The following SNAI3 variants were observed in gnomAD, a reference collection of about 807,000 sequenced individuals.
SNAI3 encodes snail family transcriptional repressor 3, also known as zinc finger protein SNAI3.
A neutral mutation model predicts 16.4 loss-of-function variants in SNAI3; 21 were observed. The observed-to-expected ratio is 1.28, with a 90% confidence interval of 0.91 to 1.85. The LOEUF (loss-of-function observed/expected upper bound fraction) is 1.85. Among genes scored for constraint, SNAI3 ranks in the 40% most tolerant of loss-of-function variants. The pLI is 0.00. For synonymous variants in SNAI3, 202 were observed against 166.6 expected, an observed-to-expected ratio of 1.21 and a Z score of -1.64; for missense variants, 457 against 372.8, an observed-to-expected ratio of 1.23 and a Z score of -1.86.
In SNAI3 at chr16:88,681,331, A is replaced by C. The variant is rs761184798; in HGVS notation, c.460T>G (p.Cys154Gly). ...TGGTAGGGTTTGTGGCAGTGGAAGC[A>C]CTCAAAGCCGCCCGGGGCTCGGGGC... ...RMPRAPGGFE[C>G]FHCHKPYHTL... Residue 154 changes from cysteine (C) to glycine (G), a missense_variant, in exon 2 of 3, where the codon TGC (cysteine) becomes GGC (glycine). Coordinates refer to ENST00000332281, the MANE Select transcript of SNAI3 (RefSeq NM_178310.4). The surrounding 1 kb of genome is among the most constrained non-coding windows in gnomAD (Gnocchi z 5.4). 3 of 1,612,954 alleles carry C rather than the reference A, an allele frequency of 1.9e-6. No homozygotes were observed. The highest frequency in any genetic ancestry group is 2.5e-6 in the Non-Finnish European group (3 of 1,179,760).
At chr16:88,678,750 C>G (rs950043970) in intron 2 of SNAI3, 121 bp from the exon 3 acceptor site, 1 of 1,455,000 alleles carries the variant, frequency 6.9e-7, no homozygotes, top group Admixed American at 2.4e-5. Context: ...GCCAGAGCAC[C>G]CAAGGTTGAG....
rs77972939 is a variant in SNAI3, at chr16:88,682,100, G to T, written c.77-386C>A. On this transcript the variant is annotated intron_variant, in intron 1 of 2. Coordinates refer to ENST00000332281, the MANE Select transcript of SNAI3 (RefSeq NM_178310.4). ...ATGAGCCCCACCCACCTCTGGAGGG[G>T]TCCCAGCCTGGGCCGGCATCCTCCA... Among the ~76,000 whole-genome samples the T allele has an allele frequency of 9.2e-5, 14 of 152,268 alleles. No individual in the cohort carries two copies. In the East Asian group the frequency reaches 2.7e-3, roughly 29 times the overall value.
In SNAI3 at chr16:88,681,573, A is replaced by AGGAGGGGCAG; in HGVS notation, c.208_217dup (p.Leu73ProfsTer74). On this transcript the variant is annotated frameshift_variant, in exon 2 of 3. Coordinates refer to ENST00000332281, the MANE Select transcript of SNAI3 (RefSeq NM_178310.4). LOFTEE classifies it high-confidence loss of function. This position sits in a 1 kb window ranked among gnomAD's most constrained non-coding sequence, Gnocchi z 5.4. ...CCCCAGAGCTTCCTCGATCCGTGGC[A>AGGAGGGGCAG]GGAGGGGCAGGGAGATGCAGGCGAC... is the stretch of plus-strand genomic sequence containing the variant. The AGGAGGGGCAG allele has an allele frequency of 6.6e-7, 1 of 1,508,004 alleles. No individual in the cohort carries two copies. The highest frequency in any genetic ancestry group is 8.9e-7 in the Non-Finnish European group (1 of 1,127,152). 93.4% of individuals were successfully genotyped at this position (1,508,004 alleles called of 1,614,324 possible).
At chr16:88,686,083 A>G in intron 1 of SNAI3, 1 of 530,602 alleles carries the variant, frequency 1.9e-6, no homozygotes, top group East Asian at 3.2e-5. Flanking sequence ...TAGAAAACTT[A>G]GAAAACTTCT....
rs778411889 is a variant in SNAI3, at chr16:88,678,441, G to A, written c.*7C>T. 16 of 765,834 alleles carry A rather than the reference G, an allele frequency of 2.1e-5. No individual in the cohort carries two copies. Among genetic ancestry groups the A allele is most frequent in the Middle Eastern group, 2.3e-4 (1 of 4,412 alleles). 47.4% of individuals were successfully genotyped at this position (765,834 alleles called of 1,614,324 possible). ...CATCCCTCCTACCTGCGCCGACCAC[G>A]TGCCTCTCAGGGGCCCGGGCAGCAG... On this transcript the variant is annotated 3_prime_UTR_variant, in exon 3 of 3. Coordinates refer to ENST00000332281, the MANE Select transcript of SNAI3 (RefSeq NM_178310.4).
At position 88,678,503 on chromosome 16, in the gene SNAI3, GAGA is replaced by G. The variant is rs770585538; in HGVS notation, c.821_823del (p.Phe274del). On this transcript the variant is annotated inframe_deletion, in exon 3 of 3. Transcript: ENST00000332281. ...ATGCCGCGCCAGGAGGGACATGCGG[GAGA>G]AGGTCTTGGTGCAGCGCCGGCACCG... The G allele has an allele frequency of 1.3e-5, 10 of 784,002 alleles. No homozygotes were observed. The highest frequency in any genetic ancestry group is 5.4e-5 in the South Asian group (4 of 74,696). The allele number at this position is 784,002 out of a possible 1,614,324, so 48.6% of individuals were successfully genotyped here.
In SNAI3 at chr16:88,681,015, C is replaced by T; in HGVS notation, c.697+79G>A. 1 of 1,535,466 alleles carries T rather than the reference C, an allele frequency of 6.5e-7. No individual in the cohort carries two copies. The highest frequency in any genetic ancestry group is 1.2e-5 in the South Asian group (1 of 81,190). ...CCATGCTATTGTTTATAAAATCACCCCTCCTCCTTTTCTAACTCCCGCAGC... is the reference window on the plus strand; with the variant it reads ...CCATGCTATTGTTTATAAAATCACCTCTCCTCCTTTTCTAACTCCCGCAGC... On this transcript the variant is annotated intron_variant, in intron 2 of 2. Coordinates refer to ENST00000332281, the MANE Select transcript of SNAI3 (RefSeq NM_178310.4). This position sits in a 1 kb window ranked among gnomAD's most constrained non-coding sequence, Gnocchi z 5.4.
intron 2 of SNAI3, among the ~76,000 whole-genome samples, chr16:88,680,275 A>ATTTTTTTTTTTTT (rs560411217): frequency 2.2e-4 from 12 of 55,104 alleles, no homozygotes; most frequent in Non-Finnish European, 2.8e-4. Flanking sequence ...TATGTTTTTG[A>ATTTTTTTTTTTTT]TTTTTTTTTT....
intron 2 of SNAI3, among the ~76,000 whole-genome samples, chr16:88,680,106 G>A (rs538849420): frequency 4.4e-4 from 65 of 148,486 alleles, no homozygotes; most frequent in South Asian, 1.1e-3. Context: ...AAAAAAAAGT[G>A]TGAACCTTTG....
chr16:88,681,480 G>T lies in SNAI3; in HGVS notation c.311C>A (p.Pro104His). The change falls in exon 2 of 3, where the codon CCC (proline) becomes CAC (histidine). Residue 104 changes from proline (P) to histidine (H), a missense_variant. Coordinates refer to ENST00000332281, the MANE Select transcript of SNAI3 (RefSeq NM_178310.4). This position sits in a 1 kb window ranked among gnomAD's most constrained non-coding sequence, Gnocchi z 5.4. ...DPRASRAAIV[P>H]LKDSLNHLNL... ...GAGGTGGTTCAGGCTGTCTTTGAGG[G>T]GTACAATGGCGGCCCGGCTGGCCCG... is the stretch of plus-strand genomic sequence containing the variant. 1 of 1,570,534 alleles carries T rather than the reference G, an allele frequency of 6.4e-7. No individual in the cohort carries two copies. The highest frequency in any genetic ancestry group is 8.7e-7 in the Non-Finnish European group (1 of 1,152,298).
intron 1 of SNAI3, chr16:88,685,060 A>G (rs943942747): frequency 1.3e-5 from 2 of 152,294 alleles, no homozygotes; most frequent in Non-Finnish European, 2.9e-5. Flanking sequence ...GGCCCAGCAC[A>G]GCTACCCAGA....
chr16:88,686,177 C>T (rs780764307), intron 1 of SNAI3, 154 bp downstream of exon 1: 12 of 1,012,358 alleles, frequency 1.2e-5, no homozygotes, highest in African/African-American at 1.6e-5. Context: ...CCACCTCCCT[C>T]CCTGCAGCCG....
Position 88,686,495 on chromosome 16 carries a change from G to A in SNAI3, c.-89C>T, listed in dbSNP as rs1909372072. The A allele has an allele frequency of 5.8e-6, 9 of 1,542,394 alleles. No homozygotes were observed. The highest frequency in any genetic ancestry group is 2.8e-5 in the African/African-American group (2 of 72,578). ...TGCTGCGTCCGCCGGCGCTTGAAGG[G>A]GTCAGGCTCATTAGCATAGCGCGCC... On this transcript the variant is annotated 5_prime_UTR_variant, in exon 1 of 3. Coordinates refer to ENST00000332281, the MANE Select transcript of SNAI3 (RefSeq NM_178310.4).
At position 88,681,234 on chromosome 16, in the gene SNAI3, T is replaced by G; in HGVS notation, c.557A>C (p.Lys186Thr). 1 of 1,613,720 alleles carries G rather than the reference T, an allele frequency of 6.2e-7. No homozygotes were observed. The highest frequency in any genetic ancestry group is 8.5e-7 in the Non-Finnish European group (1 of 1,179,992). Residue 186 changes from lysine to threonine, a missense_variant, in exon 2 of 3, where the codon AAG becomes ACG. Transcript: ENST00000332281. The surrounding 1 kb of genome is among the most constrained non-coding windows in gnomAD (Gnocchi z 5.4). Reference sequence around the variant, plus strand: ...GCTGGTGTACTCCTTGTCGCAGTACTTGCAGGTGAAGACACGCCCCACCTG... The same window carrying G: ...GCTGGTGTACTCCTTGTCGCAGTACGTGCAGGTGAAGACACGCCCCACCTG... ...HLQVGRVFTC[K>T]YCDKEYTSLG...
chr16:88,682,762 A>T (rs78353837), intron 1 of SNAI3, among the ~76,000 whole-genome samples: 37 of 60,696 alleles, frequency 6.1e-4, no homozygotes, highest in East Asian at 4.1e-3. Flanking sequence ...TGGGCAAGGG[A>T]TTTTTTTTTT....
chr16:88,681,258 T>C lies in SNAI3; in HGVS notation c.533A>G (p.Gln178Arg). The change falls in exon 2 of 3, where the codon CAG becomes CGG. Residue 178 changes from glutamine (Q) to arginine (R), a missense_variant. Coordinates refer to ENST00000332281, the MANE Select transcript of SNAI3 (RefSeq NM_178310.4). This position sits in a 1 kb window ranked among gnomAD's most constrained non-coding sequence, Gnocchi z 5.4. ...CTTGCAGGTGAAGACACGCCCCACC[T>C]GCAGGTGGCAGTGCAGCTGCCGGTG... is the stretch of plus-strand genomic sequence containing the variant. ...ARHRQLHCHL[Q>R]VGRVFTCKYC... 6.2e-7 allele frequency: 1 copy of C among 1,613,556 alleles called. No homozygotes were observed. Among genetic ancestry groups the C allele is most frequent in the Non-Finnish European group, 8.5e-7 (1 of 1,180,006 alleles).
intron 2 of SNAI3, 137 bp downstream of exon 2, chr16:88,680,957 A>G: frequency 7.7e-7 from 1 of 1,305,968 alleles, no homozygotes; most frequent in Non-Finnish European, 1.0e-6. Context: ...CTTTGTACAG[A>G]TAAGTCAAAA....
In SNAI3 at chr16:88,681,300, A is replaced by G; in HGVS notation, c.491T>C (p.Leu164Pro). ...CFHCHKPYHT[L>P]AGLARHRQLH... ...CTGCCGGTGCCTGGCCAGCCCGGCCAGCGTGTGGTAGGGTTTGTGGCAGTG... is the reference window on the plus strand; with the variant it reads ...CTGCCGGTGCCTGGCCAGCCCGGCCGGCGTGTGGTAGGGTTTGTGGCAGTG... The change falls in exon 2 of 3, where the codon CTG becomes CCG. Residue 164 changes from leucine (L) to proline (P), a missense_variant. Physicochemically the swap from Leu to Pro is moderately conservative, Grantham distance 98 (BLOSUM62 -3). Transcript: ENST00000332281. This position sits in a 1 kb window ranked among gnomAD's most constrained non-coding sequence, Gnocchi z 5.4. 1 of 1,613,276 alleles carries G rather than the reference A, an allele frequency of 6.2e-7. No homozygotes were observed. The highest frequency in any genetic ancestry group is 1.1e-5 in the South Asian group (1 of 91,078).
chr16:88,681,546 G>T lies in SNAI3; in HGVS notation c.245C>A (p.Ala82Asp). The change falls in exon 2 of 3, where the codon GCC becomes GAC. Residue 82 changes from alanine to aspartate, a missense_variant. Ala to Asp is a moderately radical substitution (Grantham distance 126, BLOSUM62 -2). Coordinates refer to ENST00000332281, the MANE Select transcript of SNAI3 (RefSeq NM_178310.4). This position sits in a 1 kb window ranked among gnomAD's most constrained non-coding sequence, Gnocchi z 5.4. ...GACTTCCAAGGCGTCCAGCCCAGAG[G>T]CCCCCAGAGCTTCCTCGATCCGTGG... ...LLPRIEEALG[A>D]SGLDALEVSE... is the part of the protein sequence containing the mutation. The T allele has an allele frequency of 6.6e-7, 1 of 1,513,744 alleles. No homozygotes were observed. Among genetic ancestry groups the T allele is most frequent in the Non-Finnish European group, 8.9e-7 (1 of 1,129,888 alleles). The allele number at this position is 1,513,744 out of a possible 1,614,324, so 93.8% of individuals were successfully genotyped here. A position where few individuals can be genotyped will look rare whatever the true frequency, so the allele number is the denominator to read the frequency against.
Sources: allele counts gnomAD v4.1 joint callset (sites outside exome capture counted in the v4.1 genomes callset), GRCh38; gene constraint gnomAD v4.1.1; non-coding constraint Gnocchi (gnomAD v3.1); transcripts MANE v1.5; gene names NCBI Gene and HGNC (gene_info 2026-07-23, HGNC 2026-07-21).